Variants in AGBL1 observed in about 807,000 individuals in gnomAD.
AGBL1 encodes AGBL carboxypeptidase 1, also known as cytosolic carboxypeptidase 4.
In AGBL1, 130 loss-of-function variants were observed where a neutral mutation model predicts 118.9. The ratio of observed to expected loss-of-function variants is 1.09; its 90% CI spans 0.95 to 1.26. The LOEUF (loss-of-function observed/expected upper bound fraction) is 1.26. Among genes scored for constraint, AGBL1 ranks in the 50% most tolerant of loss-of-function variants. AGBL1 has a pLI of 0.00. For synonymous variants in AGBL1, 555 were observed against 478.9 expected (o/e 1.16, Z -2.08); for missense variants, 1,584 against 1,298.1 (o/e 1.22, Z -3.38).
At chr15:86,523,331 C>A (rs1479638062) in intron 19 of AGBL1, among the ~76,000 whole-genome samples, 1 of 152,178 alleles carries the variant, frequency 6.6e-6, no homozygotes, top group Non-Finnish European at 1.5e-5. Flanking sequence ...ACAAGGCCAT[C>A]TTCCCTCTGT....
chr15:86,922,376 C>T (rs1268805531), intron 23 of AGBL1, among the ~76,000 whole-genome samples: 3 of 152,192 alleles, frequency 2.0e-5, no homozygotes, highest in Admixed American at 1.3e-4. Context: ...CTGCAACCTC[C>T]GCCTCCTGGG....
intron 19 of AGBL1, among the ~76,000 whole-genome samples, chr15:86,532,347 A>C (rs1020664113): frequency 1.5e-4 from 23 of 151,224 alleles, no homozygotes; most frequent in African/African-American, 5.1e-4. Flanking sequence ...TCATGAGTGA[A>C]CTCCCATTCA....
At chr15:86,919,139 G>A (rs1284686199), downstream of AGBL1, among the ~76,000 whole-genome samples, 1 of 152,144 alleles carries the variant, frequency 6.6e-6, no homozygotes, top group Non-Finnish European at 1.5e-5. Flanking sequence ...ATTAGGAAAG[G>A]ATCTATACTC....
chr15:86,584,871 G>T (rs2084223622), intron 21 of AGBL1, among the ~76,000 whole-genome samples: 1 of 152,062 alleles, frequency 6.6e-6, no homozygotes, highest in Admixed American at 6.6e-5. Context: ...GCAGTGTTTT[G>T]TAGTTCTCCT....
At chr15:86,294,157 G>A (rs189770795) in intron 16 of AGBL1, among the ~76,000 whole-genome samples, 97 of 152,144 alleles carry the variant, frequency 6.4e-4, no homozygotes, top group Middle Eastern at 3.4e-3. Flanking sequence ...CAGCACTTTG[G>A]GAGGCCAAGC....
chr15:86,380,061 A>AC lies in AGBL1; in HGVS notation c.2375-17304dup, dbSNP rs1188823224. On this transcript the variant is annotated intron_variant, in intron 17 of 22. Coordinates refer to ENST00000614907, the MANE Select transcript of AGBL1 (RefSeq NM_001386094.1). ...CTAGGGGATTGTTTTAAACCAAGGC[A>AC]CTAGAGGGATGTCGTTAGGCTTGTA... Among the ~76,000 whole-genome samples the AC allele has an allele frequency of 3.3e-5, 5 of 152,168 alleles. No individual in the cohort carries two copies. In the East Asian group the frequency reaches 9.6e-4, roughly 29 times the overall value.
At chr15:86,495,822 G>T (rs1356758559) in intron 18 of AGBL1, among the ~76,000 whole-genome samples, 1 of 151,664 alleles carries the variant, frequency 6.6e-6, no homozygotes, top group Admixed American at 6.6e-5. Context: ...GTATTATGTA[G>T]ATTTTTTTAT....
At chr15:86,685,263 A>T (rs888285576) in intron 22 of AGBL1, among the ~76,000 whole-genome samples, 1 of 152,148 alleles carries the variant, frequency 6.6e-6, no homozygotes, top group African/African-American at 2.4e-5. Context: ...CTTTAGACAG[A>T]TTTGTCCAAT....
In AGBL1 at chr15:86,828,169, C is replaced by G. The variant is rs542227603; in HGVS notation, c.3159-78918C>G. Among the ~76,000 whole-genome samples the G allele has an allele frequency of 1.3e-4, 20 of 151,498 alleles. No homozygotes were observed. In the East Asian group the frequency reaches 3.9e-3, roughly 30 times the overall value. ...TGTTGCCTAGGCTGGTCTCAAAATC[C>G]TGGGCTCAAGAGATCCTCCTGCCTC... is the stretch of plus-strand genomic sequence containing the variant. On this transcript the variant is annotated intron_variant, in intron 22 of 22. Coordinates refer to ENST00000614907, the MANE Select transcript of AGBL1 (RefSeq NM_001386094.1).
At chr15:86,705,532 GA>G (rs2086434831) in intron 22 of AGBL1, among the ~76,000 whole-genome samples, 1 of 152,132 alleles carries the variant, frequency 6.6e-6, no homozygotes, top group Non-Finnish European at 1.5e-5. Flanking sequence ...TGAATTACTG[GA>G]AAGTATGTTT....
chr15:86,671,479 G>C (rs1438029435), intron 21 of AGBL1, among the ~76,000 whole-genome samples: 3 of 152,112 alleles, frequency 2.0e-5, no homozygotes, highest in Non-Finnish European at 4.4e-5. Flanking sequence ...GAAGGGAATT[G>C]GATCTTCATT....
In AGBL1 at chr15:86,913,738, C is replaced by G. The variant is rs1254931612; in HGVS notation, c.*6444C>G. ...AAAAAAATAGCCAGGCGTGATGGTG[C>G]ATGCCTGTAGTCCCAGCTACTAGGG... On this transcript the variant is annotated 3_prime_UTR_variant, in exon 23 of 23. Transcript: ENST00000614907. 2 of 152,240 alleles carry G rather than the reference C, an allele frequency of 1.3e-5. No homozygotes were observed. Among genetic ancestry groups the G allele is most frequent in the Non-Finnish European group, 2.9e-5 (2 of 68,140 alleles). 9.4% of individuals were successfully genotyped at this position (152,240 alleles called of 1,614,324 possible).
At chr15:86,417,750 A>C (rs1169462070) in intron 18 of AGBL1, among the ~76,000 whole-genome samples, 1 of 152,202 alleles carries the variant, frequency 6.6e-6, no homozygotes, top group Non-Finnish European at 1.5e-5. Flanking sequence ...ATGCTGGTCT[A>C]CATGAGAGAC....
intron 18 of AGBL1, among the ~76,000 whole-genome samples, chr15:86,445,418 G>T (rs2082109769): frequency 6.6e-6 from 1 of 152,224 alleles, no homozygotes; most frequent in East Asian, 1.9e-4. Context: ...TGAAGGCTTG[G>T]TCAGGGGAAC....
intron 5 of AGBL1, among the ~76,000 whole-genome samples, chr15:86,221,314 G>A (rs1048868615): frequency 6.6e-6 from 1 of 152,206 alleles, no homozygotes; most frequent in African/African-American, 2.4e-5. Context: ...GCACTCCAAA[G>A]GCACTGACTG....
At chr15:86,480,256 A>C (rs1386919365) in intron 18 of AGBL1, among the ~76,000 whole-genome samples, 1 of 152,162 alleles carries the variant, frequency 6.6e-6, no homozygotes, top group Non-Finnish European at 1.5e-5. Context: ...TGAAGTGATG[A>C]ATATATTAAT....
chr15:86,717,300 CA>C (rs1191205090), intron 22 of AGBL1, among the ~76,000 whole-genome samples: 2 of 152,064 alleles, frequency 1.3e-5, no homozygotes, highest in African/African-American at 2.4e-5. Context: ...ATTCATATAT[CA>C]GGGGCAAAAG....
At chr15:86,628,115 C>T (rs978609926) in intron 21 of AGBL1, among the ~76,000 whole-genome samples, 10 of 152,132 alleles carry the variant, frequency 6.6e-5, no homozygotes, top group African/African-American at 2.4e-4. Context: ...GCAGTCCTTC[C>T]AGACCTTGAG....
chr15:86,689,360 T>A (rs1226155602), intron 22 of AGBL1, among the ~76,000 whole-genome samples: 3 of 152,160 alleles, frequency 2.0e-5, no homozygotes, highest in East Asian at 3.9e-4. Context: ...TTTAGTATTA[T>A]CTGTCTCCTC....
Sources: gnomAD v4.1 joint callset for allele counts (sites outside exome capture counted in the v4.1 genomes callset) on GRCh38, gnomAD v4.1.1 for gene constraint, MANE v1.5 for transcripts, NCBI Gene and HGNC (gene_info 2026-07-23, HGNC 2026-07-21) for gene names.